The following NPR2 variants were observed in gnomAD, a reference collection of about 807,000 sequenced individuals.
NPR2 encodes the protein atrial natriuretic peptide receptor 2.
NPR2 carries 49 observed loss-of-function variants against 120.7 expected under a neutral mutation model. That is an observed-to-expected ratio of 0.41 (90% CI 0.32 to 0.52). The LOEUF (loss-of-function observed/expected upper bound fraction) is 0.52. NPR2 is among the 20% of genes least tolerant of loss of function. The pLI, the probability that NPR2 is intolerant of heterozygous loss-of-function variation, is 0.36. For synonymous variants in NPR2, 484 were observed against 519.8 expected (o/e 0.93, Z 0.94); for missense variants, 931 against 1,362.9 (o/e 0.68, Z 4.99).
In NPR2 at chr9:35,800,739, C is replaced by G. The variant is rs796065356; in HGVS notation, c.1249C>G (p.Gln417Glu). Residue 417 changes from glutamine to glutamate, a missense_variant, in exon 6 of 22, where the codon CAG (glutamine) becomes GAG (glutamate). By Grantham distance (29) the Gln-to-Glu change is conservative. This residue lies in a region of NPR2 where 681 missense variants were observed against 974.3 expected (regional missense o/e 0.70). Transcript: ENST00000342694. This position sits in a 1 kb window ranked among gnomAD's most constrained non-coding sequence, Gnocchi z 4.7. ...PAAHYSGAEK[Q>E]IWWTGRPIPW... is the part of the protein sequence containing the mutation. Reference sequence around the variant, plus strand: ...AGCCCACTACTCGGGAGCTGAGAAGCAGATTTGGTGGACGGGACGGCCTAT... The same window carrying G: ...AGCCCACTACTCGGGAGCTGAGAAGGAGATTTGGTGGACGGGACGGCCTAT... 15 of 1,614,050 alleles carry G rather than the reference C, an allele frequency of 9.3e-6. No individual in the cohort carries two copies. The East Asian group carries it at 3.1e-4, about 34-fold the overall frequency.
intron 2 of NPR2, 72 bp downstream of exon 2, chr9:35,794,175 C>T (rs1827877203): frequency 1.4e-6 from 2 of 1,416,610 alleles, no homozygotes; most frequent in African/African-American, 2.9e-5. Flanking sequence ...TCACAAGACC[C>T]TAAAGAAACC....
chr9:35,803,108 A>ATTTTTTTTTT lies in NPR2; in HGVS notation c.1887+309_1887+318dup, dbSNP rs1040001397. Among the ~76,000 whole-genome samples, 11 of 135,310 alleles carry ATTTTTTTTTT rather than the reference A, an allele frequency of 8.1e-5. 1 individual carries two copies. The highest frequency in any genetic ancestry group is 3.3e-4 in the African/African-American group (11 of 33,042). The allele number at this position is 135,310 out of a possible 152,430, so 88.8% of individuals were successfully genotyped here. Reference sequence around the variant, plus strand: ...TAAAATGAGTGGAGTCTCTGAACATATTTTTTTTTTTTTGAGACGGAGTCT... The same window carrying ATTTTTTTTTT: ...TAAAATGAGTGGAGTCTCTGAACATATTTTTTTTTTTTTTTTTTTTTTTGAGACGGAGTCT... On this transcript the variant is annotated intron_variant, in intron 12 of 21. Coordinates refer to ENST00000342694, the MANE Select transcript of NPR2 (RefSeq NM_003995.4).
chr9:35,796,995 T>C (rs7021716), intron 2 of NPR2, among the ~76,000 whole-genome samples: 41,932 of 152,086 alleles, frequency 0.28, 6,858 homozygotes, highest in African/African-American at 0.45. Context: ...AGGAAAGGCC[T>C]TAGCTCATGC....
chr9:35,808,995 T>C lies in NPR2; in HGVS notation c.2986+142T>C, dbSNP rs1337896087. On this transcript the variant is annotated intron_variant, in intron 20 of 21. Coordinates refer to ENST00000342694, the MANE Select transcript of NPR2 (RefSeq NM_003995.4). This position sits in a 1 kb window ranked among gnomAD's most constrained non-coding sequence, Gnocchi z 4.0. ...TCGGGCATATTTTGGTTCTAATAGA[T>C]ATGCATTGGGAGGTTGGGCATATTT... 4 of 933,756 alleles carry C rather than the reference T, an allele frequency of 4.3e-6. No homozygotes were observed. The highest frequency in any genetic ancestry group is 7.1e-6 in the Non-Finnish European group (4 of 566,954). The allele number at this position is 933,756 out of a possible 1,614,324, so 57.8% of individuals were successfully genotyped here.
Position 35,802,614 on chromosome 9 carries a change from G to GA in NPR2, c.1815+8dup, listed in dbSNP as rs1172483158. On this transcript the variant is annotated splice_region_variant and intron_variant, in intron 11 of 21. Transcript: ENST00000342694. This position sits in a 1 kb window ranked among gnomAD's most constrained non-coding sequence, Gnocchi z 4.2. ...TCCTCGTGGGAGTTTACAGGTGAGGGATAGGTGTAGGAGATTATGGCAGGG... is the reference window on the plus strand; with the variant it reads ...TCCTCGTGGGAGTTTACAGGTGAGGGAATAGGTGTAGGAGATTATGGCAGGG... The GA allele has an allele frequency of 1.9e-6, 3 of 1,540,794 alleles. No individual in the cohort carries two copies. The highest frequency in any genetic ancestry group is 2.7e-6 in the Non-Finnish European group (3 of 1,113,126).
chr9:35,801,036 A>G (rs1563987624), intron 6 of NPR2, 34 bp from the exon 7 acceptor site: 1 of 1,593,394 alleles, frequency 6.3e-7, no homozygotes, highest in Non-Finnish European at 8.6e-7. Context: ...AAGTCCGCAC[A>G]CAGTCTTCCT....
rs893633522 is a variant in NPR2 at position 35,791,985 on chromosome 9, C to T, written c.-424C>T. On this transcript the variant is annotated 5_prime_UTR_variant, in exon 1 of 22. Transcript: ENST00000342694. Reference sequence around the variant, plus strand: ...GTGGCGCAGCGCCCTCCTGCCCTCCCGGCCCTTTCAGCTGTGAGGTTCCCC... The same window carrying T: ...GTGGCGCAGCGCCCTCCTGCCCTCCTGGCCCTTTCAGCTGTGAGGTTCCCC... Among the ~76,000 whole-genome samples the T allele has an allele frequency of 1.3e-5, 2 of 152,032 alleles. No homozygotes were observed. The highest frequency in any genetic ancestry group is 2.9e-5 in the Non-Finnish European group (2 of 67,948).
Position 35,792,254 on chromosome 9 carries a change from C to G in NPR2, c.-155C>G. The G allele has an allele frequency of 1.3e-6, 1 of 757,202 alleles. No individual in the cohort carries two copies. The highest frequency in any genetic ancestry group is 2.1e-6 in the Non-Finnish European group (1 of 479,206). 46.9% of individuals were successfully genotyped at this position (757,202 alleles called of 1,614,324 possible). On this transcript the variant is annotated 5_prime_UTR_variant, in exon 1 of 22. Coordinates refer to ENST00000342694, the MANE Select transcript of NPR2 (RefSeq NM_003995.4). ...TCCTCCCATCTCCCCCTCCTCTCCCCGGCCCCCAGCACCTTCTGCATCCCA... is the reference window on the plus strand; with the variant it reads ...TCCTCCCATCTCCCCCTCCTCTCCCGGGCCCCCAGCACCTTCTGCATCCCA...
At chr9:35,794,606 G>A (rs1827891699) in intron 2 of NPR2, among the ~76,000 whole-genome samples, 1 of 152,196 alleles carries the variant, frequency 6.6e-6, no homozygotes, top group South Asian at 2.1e-4. Context: ...TGACTTTAAT[G>A]ATAGATGTCA....
chr9:35,806,606 G>A lies in NPR2; in HGVS notation c.2519+68G>A, dbSNP rs1258668175. On this transcript the variant is annotated intron_variant, in intron 16 of 21. Coordinates refer to ENST00000342694, the MANE Select transcript of NPR2 (RefSeq NM_003995.4). The surrounding 1 kb of genome is among the most constrained non-coding windows in gnomAD (Gnocchi z 4.6). ...GCTCTGTTGGGCTCTGCCTCATCAG[G>A]CACCTGAGAACTCGCCTCCCCACCC... 1 of 1,583,840 alleles carries A rather than the reference G, an allele frequency of 6.3e-7. No homozygotes were observed.
chr9:35,807,890 C>T (rs1002101422), intron 18 of NPR2, among the ~76,000 whole-genome samples: 1 of 152,108 alleles, frequency 6.6e-6, no homozygotes, highest in African/African-American at 2.4e-5. Context: ...ACAGAATCTC[C>T]CTGAGCCTCA....
chr9:35,798,030 A>G (rs1827997661), intron 2 of NPR2, among the ~76,000 whole-genome samples: 1 of 152,180 alleles, frequency 6.6e-6, no homozygotes. Context: ...GTCAATATTG[A>G]TAGATATAGT....
At position 35,806,807 on chromosome 9, in the gene NPR2, C is replaced by T. The variant is rs767219439; in HGVS notation, c.2520-216C>T. Among the ~76,000 whole-genome samples, 48 of 152,224 alleles carry T rather than the reference C, an allele frequency of 3.2e-4. No individual in the cohort carries two copies. The highest frequency in any genetic ancestry group is 6.0e-4 in the Non-Finnish European group (41 of 68,044). On this transcript the variant is annotated intron_variant, in intron 16 of 21. Coordinates refer to ENST00000342694, the MANE Select transcript of NPR2 (RefSeq NM_003995.4). This position sits in a 1 kb window ranked among gnomAD's most constrained non-coding sequence, Gnocchi z 4.6. ...GTAAAACAGTCCCAACTTGAGACAG[C>T]TCCCATGCACAGGGATTCCCCTCAA...
rs1019393200 is a variant in NPR2, at chr9:35,799,442, A to G, written c.874-176A>G. 4.5e-4 allele frequency among the ~76,000 whole-genome samples: 69 copies of G among 151,740 alleles called. No homozygotes were observed. In the East Asian group the frequency reaches 0.011, roughly 23 times the overall value. On this transcript the variant is annotated intron_variant, in intron 2 of 21. Transcript: ENST00000342694. ...AACACACACACACACACACACACACACACGCACACACACACGCAGAGAGAG... is the reference window on the plus strand; with the variant it reads ...AACACACACACACACACACACACACGCACGCACACACACACGCAGAGAGAG...
Position 35,808,632 on chromosome 9 carries a change from A to G in NPR2, c.2836A>G (p.Ile946Val). ...ALLDAVSSFR[I>V]RHRPHDQLRL... Reference sequence around the variant, plus strand: ...ACTAGATGCAGTTTCTTCCTTTCGCATCCGCCACCGACCCCATGACCAGCT... The same window carrying G: ...ACTAGATGCAGTTTCTTCCTTTCGCGTCCGCCACCGACCCCATGACCAGCT... The change falls in exon 19 of 22, where the codon ATC becomes GTC. Residue 946 changes from isoleucine to valine, a missense_variant. Transcript: ENST00000342694. The surrounding 1 kb of genome is among the most constrained non-coding windows in gnomAD (Gnocchi z 4.0). The G allele has an allele frequency of 6.2e-7, 1 of 1,614,044 alleles. No homozygotes were observed. Among genetic ancestry groups the G allele is most frequent in the Non-Finnish European group, 8.5e-7 (1 of 1,180,006 alleles).
rs1320990730 is a variant in NPR2, at chr9:35,808,713, C to A, written c.2887+30C>A. 1.2e-6 allele frequency: 2 copies of A among 1,612,512 alleles called. No homozygotes were observed. Among genetic ancestry groups the A allele is most frequent in the African/African-American group, 2.7e-5 (2 of 74,898 alleles). On this transcript the variant is annotated intron_variant, in intron 19 of 21. Coordinates refer to ENST00000342694, the MANE Select transcript of NPR2 (RefSeq NM_003995.4). This position sits in a 1 kb window ranked among gnomAD's most constrained non-coding sequence, Gnocchi z 4.0. ...GGCTGACTCTCACTCCAGCCCTAGTCTCCACCTTTCCCAGACTCTCCCAAC... is the reference window on the plus strand; with the variant it reads ...GGCTGACTCTCACTCCAGCCCTAGTATCCACCTTTCCCAGACTCTCCCAAC...
Position 35,801,675 on chromosome 9 carries a change from T to A in NPR2, c.1469T>A (p.Met490Lys), listed in dbSNP as rs956477924. Reference protein sequence around the residue: ...KLMLEKELASMLWRIRWEELQ... With the variant: ...KLMLEKELASKLWRIRWEELQ... ...ATGCTGGAGAAGGAGCTGGCTAGCATGTTGTGGCGTATTCGCTGGGAAGAA... is the reference window on the plus strand; with the variant it reads ...ATGCTGGAGAAGGAGCTGGCTAGCAAGTTGTGGCGTATTCGCTGGGAAGAA... Residue 490 changes from methionine (M) to lysine (K), a missense_variant, in exon 8 of 22, where the codon ATG (methionine) becomes AAG (lysine). By Grantham distance (95) the Met-to-Lys change is moderately conservative (BLOSUM62 -1). This residue lies in a region of NPR2 where 681 missense variants were observed against 974.3 expected (regional missense o/e 0.70). Transcript: ENST00000342694. 1 of 1,614,112 alleles carries A rather than the reference T, an allele frequency of 6.2e-7. No individual in the cohort carries two copies. The highest frequency in any genetic ancestry group is 8.5e-7 in the Non-Finnish European group (1 of 1,179,940).
chr9:35,800,389 G>GTGTA lies in NPR2; in HGVS notation c.1125_1128dup (p.Thr377CysfsTer12), dbSNP rs778735117. 1 of 1,613,504 alleles carries GTGTA rather than the reference G, an allele frequency of 6.2e-7. No individual in the cohort carries two copies. Among genetic ancestry groups the GTGTA allele is most frequent in the South Asian group, 1.1e-5 (1 of 91,064 alleles). On this transcript the variant is annotated frameshift_variant and splice_region_variant, in exon 5 of 22. Transcript: ENST00000342694. LOFTEE classifies it high-confidence loss of function. The surrounding 1 kb of genome is among the most constrained non-coding windows in gnomAD (Gnocchi z 4.7). ...GAAAGGACACTCTTTTCTGTCTTAG[G>GTGTA]TGTAACTGGGCTGGTTGTCATGGAC...
Position 35,802,522 on chromosome 9 carries a change from A to G in NPR2, c.1730A>G (p.Asn577Ser), listed in dbSNP as rs759474693. ...ELKHMRDVQF[N>S]HLTRFIGACI... ...TGCCAGATGAGAGATGTTCAGTTCA[A>G]CCATCTCACTCGCTTCATTGGCGCC... is the stretch of plus-strand genomic sequence containing the variant. Residue 577 changes from asparagine (N) to serine (S), a missense_variant, in exon 11 of 22, where the codon AAC becomes AGC. By Grantham distance (46) the Asn-to-Ser change is conservative. Transcript: ENST00000342694. The surrounding 1 kb of genome is among the most constrained non-coding windows in gnomAD (Gnocchi z 4.2). The G allele has an allele frequency of 1.9e-6, 3 of 1,601,010 alleles. No homozygotes were observed. The highest frequency in any genetic ancestry group is 2.2e-5 in the East Asian group (1 of 44,802).
Sources: allele counts gnomAD v4.1 joint callset (sites outside exome capture counted in the v4.1 genomes callset), GRCh38; gene constraint gnomAD v4.1.1; regional missense constraint gnomAD v4.1.1; non-coding constraint Gnocchi (gnomAD v3.1); transcripts MANE v1.5; gene names NCBI Gene and HGNC (gene_info 2026-07-23, HGNC 2026-07-21).